Variants in PACS1 observed in about 807,000 individuals in gnomAD.
PACS1 encodes PACS-1.
In PACS1, 24 loss-of-function variants were observed where a neutral mutation model predicts 115.0. The ratio of observed to expected loss-of-function variants is 0.21; its 90% CI spans 0.15 to 0.29. The LOEUF (loss-of-function observed/expected upper bound fraction) is 0.29, where lower values mean the gene tolerates loss of function less well. Ranked by LOEUF, PACS1 falls within the 10% of genes least tolerant of loss-of-function variation. The pLI is 1.00. For missense variants in PACS1, 838 were observed against 1,251.2 expected (o/e 0.67, Z 4.98); for synonymous variants, 453 against 504.5 (o/e 0.90, Z 1.37).
At chr11:66,219,424 A>G in intron 7 of PACS1, 1 of 459,496 alleles carries the variant, frequency 2.2e-6, no homozygotes, top group Non-Finnish European at 4.1e-6. Flanking sequence ...GGTAGGAGTC[A>G]GCAGTGGGCA....
At chr11:66,172,787 C>T (rs1479020313) in intron 1 of PACS1, among the ~76,000 whole-genome samples, 1 of 152,052 alleles carries the variant, frequency 6.6e-6, no homozygotes, top group Non-Finnish European at 1.5e-5. Context: ...ACCATCCTGG[C>T]CAACATGGTG....
chr11:66,184,678 G>A (rs1434472107), intron 1 of PACS1, among the ~76,000 whole-genome samples: 2 of 152,180 alleles, frequency 1.3e-5, no homozygotes, highest in Admixed American at 6.5e-5. Context: ...GTTACTCAGT[G>A]ATCTCCTTTT....
intron 22 of PACS1, among the ~76,000 whole-genome samples, chr11:66,242,083 G>C (rs925853033): frequency 6.6e-6 from 1 of 152,208 alleles, no homozygotes; most frequent in African/African-American, 2.4e-5. Flanking sequence ...GGACGTGGTT[G>C]TGTTTTCAGG....
intron 1 of PACS1, among the ~76,000 whole-genome samples, chr11:66,189,063 C>T (rs1854456403): frequency 6.6e-6 from 1 of 152,134 alleles, no homozygotes; most frequent in Non-Finnish European, 1.5e-5. Flanking sequence ...ATAATACCCA[C>T]CTCTTAGCAT....
At chr11:66,081,333 C>T (rs760006886) in intron 1 of PACS1, among the ~76,000 whole-genome samples, 12 of 152,232 alleles carry the variant, frequency 7.9e-5, no homozygotes, top group South Asian at 4.2e-4. Context: ...ACATGTTAAT[C>T]GTGTGTGTGG....
chr11:66,238,424 T>C, intron 19 of PACS1: 1 of 780,842 alleles, frequency 1.3e-6, no homozygotes, highest in Non-Finnish European at 1.6e-6. Context: ...AACTAGGTTT[T>C]GTTGTTTTTT....
At chr11:66,231,887 G>A (rs939708094) in intron 13 of PACS1, 11 of 316,598 alleles carry the variant, frequency 3.5e-5, no homozygotes, top group African/African-American at 1.5e-4. Flanking sequence ...TTTCCCATCC[G>A]CGAGGCTTGC....
At chr11:66,161,441 A>G (rs958463500) in intron 1 of PACS1, among the ~76,000 whole-genome samples, 4 of 152,220 alleles carry the variant, frequency 2.6e-5, no homozygotes, top group African/African-American at 9.7e-5. Context: ...GGACAGAGCA[A>G]GAATCTATCT....
intron 1 of PACS1, among the ~76,000 whole-genome samples, chr11:66,156,437 G>C (rs1437324494): frequency 6.6e-6 from 1 of 151,072 alleles, no homozygotes; most frequent in Non-Finnish European, 1.5e-5. Context: ...TAGAGATGGG[G>C]TTTCACCATG....
chr11:66,140,410 C>A (rs1251845378), intron 1 of PACS1, among the ~76,000 whole-genome samples: 2 of 152,120 alleles, frequency 1.3e-5, no homozygotes, highest in Non-Finnish European at 2.9e-5. Flanking sequence ...TCCGCGTGAC[C>A]TGCCTTGCTC....
chr11:66,109,393 A>G (rs142546643), intron 1 of PACS1, among the ~76,000 whole-genome samples: 6 of 152,274 alleles, frequency 3.9e-5, no homozygotes, highest in African/African-American at 1.4e-4. Context: ...CCCCATCTCT[A>G]TTTTAACAAA....
At chr11:66,100,687 T>A in intron 1 of PACS1, 1 of 413,070 alleles carries the variant, frequency 2.4e-6, no homozygotes, top group Non-Finnish European at 4.9e-6. Context: ...CAATTCTCTC[T>A]GCGGCACTCA....
intron 2 of PACS1, among the ~76,000 whole-genome samples, chr11:66,209,208 A>G (rs1855015283): frequency 6.6e-6 from 1 of 152,060 alleles, no homozygotes; most frequent in Admixed American, 6.5e-5. Context: ...AGAAGCCAAA[A>G]AAAGCATCCA....
intron 1 of PACS1, among the ~76,000 whole-genome samples, chr11:66,107,803 T>C (rs941913518): frequency 3.3e-5 from 5 of 152,222 alleles, no homozygotes; most frequent in African/African-American, 1.2e-4. Flanking sequence ...GAAACCAGCA[T>C]AGAGAATGCA....
At chr11:66,110,752 A>T (rs1464239082) in intron 1 of PACS1, among the ~76,000 whole-genome samples, 1 of 152,056 alleles carries the variant, frequency 6.6e-6, no homozygotes, top group African/African-American at 2.4e-5. Context: ...GTATTTTAGT[A>T]GAGACGGGGT....
intron 2 of PACS1, among the ~76,000 whole-genome samples, chr11:66,203,163 G>A (rs1256138979): frequency 1.3e-5 from 2 of 152,094 alleles, no homozygotes; most frequent in Admixed American, 6.6e-5. Context: ...GAAGTTGCAG[G>A]ATACAAAATC....
intron 7 of PACS1, among the ~76,000 whole-genome samples, chr11:66,219,007 G>T (rs1170983519): frequency 1.3e-5 from 2 of 152,124 alleles, no homozygotes; most frequent in African/African-American, 2.4e-5. Flanking sequence ...ACACGTACAG[G>T]CCTGACTGCT....
chr11:66,155,877 C>T (rs1334236082), intron 1 of PACS1, among the ~76,000 whole-genome samples: 5 of 151,986 alleles, frequency 3.3e-5, no homozygotes, highest in Non-Finnish European at 7.4e-5. Context: ...CCAATGAGAG[C>T]TCTGAGCAGG....
chr11:66,188,558 T>A (rs1279410700), intron 1 of PACS1, among the ~76,000 whole-genome samples: 1 of 152,256 alleles, frequency 6.6e-6, no homozygotes, highest in Non-Finnish European at 1.5e-5. Context: ...AATTATTTTC[T>A]GCTGTAGAAA....
Sources: gnomAD v4.1 joint callset for allele counts (sites outside exome capture counted in the v4.1 genomes callset) on GRCh38, gnomAD v4.1.1 for gene constraint, MANE v1.5 for transcripts, NCBI Gene and HGNC (gene_info 2026-07-23, HGNC 2026-07-21) for gene names.